Variants in FOXP2 observed in about 807,000 individuals in gnomAD.
FOXP2 encodes the protein forkhead box P2.
A neutral mutation model predicts 115.8 loss-of-function variants in FOXP2; 12 were observed. The ratio of observed to expected loss-of-function variants is 0.10; its 90% CI spans 0.07 to 0.17. The LOEUF (loss-of-function observed/expected upper bound fraction) is 0.17, where lower values mean the gene tolerates loss of function less well. Ranked by LOEUF, FOXP2 falls within the 10% of genes least tolerant of loss-of-function variation. The pLI, the probability that FOXP2 is intolerant of heterozygous loss-of-function variation, is 1.00. For synonymous variants in FOXP2, 328 were observed against 297.7 expected (o/e 1.10, Z -1.05); for missense variants, 629 against 843.5 (o/e 0.75, Z 3.15).
chr7:114,187,397 C>A (rs1239834964), intron 1 of FOXP2, among the ~76,000 whole-genome samples: 1 of 152,096 alleles, frequency 6.6e-6, no homozygotes, highest in African/African-American at 2.4e-5. Flanking sequence ...GACATTCAGC[C>A]AAATTTGTTG....
intron 1 of FOXP2, among the ~76,000 whole-genome samples, chr7:114,235,405 A>C (rs1405792723): frequency 2.6e-5 from 4 of 151,896 alleles, no homozygotes; most frequent in African/African-American, 9.7e-5. Context: ...TTATCACTTA[A>C]AAAAAAGGAA....
intron 2 of FOXP2, among the ~76,000 whole-genome samples, chr7:114,477,763 G>A (rs186589371): frequency 7.2e-4 from 110 of 151,972 alleles, no homozygotes; most frequent in Non-Finnish European, 1.3e-3. Context: ...AAGTAGATTT[G>A]TCACAGGATT....
At chr7:114,645,190 A>G (rs1278878828) in intron 8 of FOXP2, 1 of 126,438 alleles carries the variant, frequency 7.9e-6, no homozygotes, top group Non-Finnish European at 1.6e-5. Flanking sequence ...TTCAGTAAAC[A>G]TATTTTGAAA....
chr7:114,327,428 A>C (rs1377049367), intron 2 of FOXP2, among the ~76,000 whole-genome samples: 2 of 147,736 alleles, frequency 1.4e-5, no homozygotes, highest in Non-Finnish European at 3.0e-5. Flanking sequence ...TTATTACACC[A>C]AAAAAGCACT....
At chr7:114,533,758 G>T (rs2129276853) in intron 2 of FOXP2, among the ~76,000 whole-genome samples, 1 of 151,892 alleles carries the variant, frequency 6.6e-6, no homozygotes, top group South Asian at 2.1e-4. Context: ...TTGTTAATTA[G>T]TGTATACTCC....
chr7:114,258,609 T>C (rs1795675912), intron 1 of FOXP2, among the ~76,000 whole-genome samples: 1 of 152,212 alleles, frequency 6.6e-6, no homozygotes, highest in Non-Finnish European at 1.5e-5. Context: ...ATCAGTAATT[T>C]TACATATCAT....
intron 1 of FOXP2, among the ~76,000 whole-genome samples, chr7:114,143,914 A>G (rs1373084325): frequency 6.6e-6 from 1 of 151,988 alleles, no homozygotes; most frequent in Non-Finnish European, 1.5e-5. Context: ...TGATGGTATG[A>G]AACCATCCCT....
At chr7:114,207,438 G>A (rs1794227398) in intron 1 of FOXP2, among the ~76,000 whole-genome samples, 1 of 152,170 alleles carries the variant, frequency 6.6e-6, no homozygotes, top group South Asian at 2.1e-4. Flanking sequence ...AAGTGGGTAT[G>A]AAGTGATATT....
At chr7:114,371,372 C>T (rs1178740528) in intron 2 of FOXP2, among the ~76,000 whole-genome samples, 2 of 151,924 alleles carry the variant, frequency 1.3e-5, no homozygotes, top group Non-Finnish European at 2.9e-5. Context: ...AGGCATGAGC[C>T]ACCGCACCTG....
chr7:114,158,931 G>T (rs761826942), upstream of FOXP2, among the ~76,000 whole-genome samples: 1 of 152,100 alleles, frequency 6.6e-6, no homozygotes, highest in Non-Finnish European at 1.5e-5. Flanking sequence ...GGTTGGGTGT[G>T]TAGTATGGAT....
At chr7:114,453,159 A>G (rs538271826) in intron 2 of FOXP2, among the ~76,000 whole-genome samples, 1 of 152,240 alleles carries the variant, frequency 6.6e-6, no homozygotes, top group South Asian at 2.1e-4. Flanking sequence ...AGGAAACAAC[A>G]GTTTTGAATG....
At chr7:114,253,896 T>C (rs1440219268) in intron 1 of FOXP2, among the ~76,000 whole-genome samples, 3 of 152,246 alleles carry the variant, frequency 2.0e-5, no homozygotes, top group Admixed American at 6.5e-5. Flanking sequence ...CTCGATGGTC[T>C]TTACAATTTG....
chr7:114,629,776 A>G (rs1804787698), intron 4 of FOXP2, 29 bp from the exon 5 acceptor site: 16 of 1,614,054 alleles, frequency 9.9e-6, no homozygotes, highest in Non-Finnish European at 1.1e-5. Context: ...TTTTGCCTTT[A>G]TTTATTAAAG....
At chr7:114,382,232 C>G (rs574041937) in intron 2 of FOXP2, among the ~76,000 whole-genome samples, 1 of 152,280 alleles carries the variant, frequency 6.6e-6, no homozygotes, top group East Asian at 1.9e-4. Context: ...AAGGCCGCGC[C>G]AGTGTCCAGG....
At chr7:114,160,911 C>T (rs1041169493), upstream of FOXP2, among the ~76,000 whole-genome samples, 2 of 151,972 alleles carry the variant, frequency 1.3e-5, no homozygotes, top group African/African-American at 4.8e-5. Context: ...CTGGCATACT[C>T]CTCTGACACA....
At chr7:114,671,924 C>T (rs1489383787) in intron 16 of FOXP2, among the ~76,000 whole-genome samples, 1 of 151,936 alleles carries the variant, frequency 6.6e-6, no homozygotes, top group African/African-American at 2.4e-5. Flanking sequence ...TAACATTTAC[C>T]ACTCACAGAA....
chr7:114,550,104 T>C (rs1760737741), intron 3 of FOXP2, among the ~76,000 whole-genome samples: 1 of 136,950 alleles, frequency 7.3e-6, no homozygotes, highest in Non-Finnish European at 1.5e-5. Flanking sequence ...CTCATCTTCC[T>C]TTCTTTTCTT....
chr7:114,105,580 T>G (rs888457309), intron 1 of FOXP2, among the ~76,000 whole-genome samples: 6 of 152,044 alleles, frequency 3.9e-5, no homozygotes, highest in Non-Finnish European at 5.9e-5. Flanking sequence ...TTTTGTAAAC[T>G]CTCATTTTCC....
chr7:114,457,182 G>A (rs1248474744), intron 2 of FOXP2, among the ~76,000 whole-genome samples: 1 of 152,012 alleles, frequency 6.6e-6, no homozygotes, highest in Non-Finnish European at 1.5e-5. Context: ...TCAAAAAAGG[G>A]TAACTACAGA....
Sources: allele counts gnomAD v4.1 joint callset (sites outside exome capture counted in the v4.1 genomes callset), GRCh38; gene constraint gnomAD v4.1.1; transcripts MANE v1.5; gene names NCBI Gene and HGNC (gene_info 2026-07-23, HGNC 2026-07-21).